The following IP6K2 variants were observed in gnomAD, a reference collection of about 807,000 sequenced individuals.
IP6K2 encodes inositol hexakisphosphate kinase 2.
IP6K2 carries 9 observed loss-of-function variants against 43.3 expected under a neutral mutation model. The ratio of observed to expected loss-of-function variants is 0.21; its 90% CI spans 0.13 to 0.36. IP6K2 has a LOEUF of 0.36. Ranked by LOEUF, IP6K2 falls within the 10% of genes least tolerant of loss-of-function variation. The pLI, the probability that IP6K2 is intolerant of heterozygous loss-of-function variation, is 1.00. For synonymous variants in IP6K2, 209 were observed against 202.4 expected (o/e 1.03, Z -0.28); for missense variants, 332 against 538.4 (o/e 0.62, Z 3.79).
chr3:48,688,177 G>A lies in IP6K2; in HGVS notation c.*96C>T. The A allele has an allele frequency of 7.0e-7, 1 of 1,418,530 alleles. No homozygotes were observed. The highest frequency in any genetic ancestry group is 1.3e-5 in the South Asian group (1 of 77,752). 87.9% of individuals were successfully genotyped at this position (1,418,530 alleles called of 1,614,324 possible). On this transcript the variant is annotated 3_prime_UTR_variant, in exon 6 of 6. Coordinates refer to ENST00000328631, the MANE Select transcript of IP6K2 (RefSeq NM_016291.4). The surrounding 1 kb of genome is among the most constrained non-coding windows in gnomAD (Gnocchi z 5.1). ...CACTGCACATCAGCTCCAGGCTGCAGGAGCCACCACCTGGCCATACTGGCT... is the reference window on the plus strand; with the variant it reads ...CACTGCACATCAGCTCCAGGCTGCAAGAGCCACCACCTGGCCATACTGGCT...
intron 1 of IP6K2, among the ~76,000 whole-genome samples, chr3:48,705,129 G>A (rs529914779): frequency 4.2e-4 from 64 of 151,888 alleles, no homozygotes; most frequent in African/African-American, 1.4e-3. Flanking sequence ...TTTTTTAGTA[G>A]AGATGCGGTT....
At chr3:48,700,783 G>A (rs568722361) in intron 1 of IP6K2, among the ~76,000 whole-genome samples, 1 of 152,196 alleles carries the variant, frequency 6.6e-6, no homozygotes, top group Non-Finnish European at 1.5e-5. Flanking sequence ...TACTTACTCT[G>A]GCTTAAGAAA....
chr3:48,706,872 G>C (rs1475052315), intron 1 of IP6K2, among the ~76,000 whole-genome samples: 2 of 152,020 alleles, frequency 1.3e-5, no homozygotes, highest in African/African-American at 4.8e-5. Flanking sequence ...AATGTAGGGA[G>C]GTAAGTACTA....
At position 48,695,716 on chromosome 3, in the gene IP6K2, T is replaced by C. The variant is rs981458737; in HGVS notation, c.-130-295A>G. 3 of 301,404 alleles carry C rather than the reference T, an allele frequency of 1.0e-5. No homozygotes were observed. Among genetic ancestry groups the C allele is most frequent in the Non-Finnish European group, 1.8e-5 (3 of 164,160 alleles). The allele number at this position is 301,404 out of a possible 1,614,324, so 18.7% of individuals were successfully genotyped here. On this transcript the variant is annotated intron_variant, in intron 1 of 5. Coordinates refer to ENST00000328631, the MANE Select transcript of IP6K2 (RefSeq NM_016291.4). The surrounding 1 kb of genome is among the most constrained non-coding windows in gnomAD (Gnocchi z 4.6). ...ACTGCCGCAGGCAAAACTGATGCCA[T>C]GGTGAGGTGAAATCACAATTTCAAG...
At chr3:48,691,110 T>C (rs2077745652) in intron 4 of IP6K2, among the ~76,000 whole-genome samples, 197 bp downstream of exon 4, 1 of 152,186 alleles carries the variant, frequency 6.6e-6, no homozygotes. Flanking sequence ...CCTCATCATC[T>C]GCACTCCTAG....
chr3:48,688,467 A>C lies in IP6K2; in HGVS notation c.1087T>G (p.Ser363Ala). The C allele has an allele frequency of 6.2e-7, 1 of 1,614,118 alleles. No individual in the cohort carries two copies. The highest frequency in any genetic ancestry group is 8.5e-7 in the Non-Finnish European group (1 of 1,180,012). ...GGTTTGTAGGCATAGGCACCAGCAG[A>C]CTCATCAGCTGATTCCTCTGACAGG... Reference protein sequence around the residue: ...EDLSEESADESAGAYAYKPIG... With the variant: ...EDLSEESADEAAGAYAYKPIG... Residue 363 changes from serine (S) to alanine (A), a missense_variant, in exon 6 of 6, where the codon TCT (serine) becomes GCT (alanine). Transcript: ENST00000328631. The surrounding 1 kb of genome is among the most constrained non-coding windows in gnomAD (Gnocchi z 5.1).
rs147001781 is a variant in IP6K2 at position 48,713,007 on chromosome 3, C to T, written c.-131+4150G>A. Among the ~76,000 whole-genome samples the T allele has an allele frequency of 8.6e-5, 13 of 152,046 alleles. 1 individual carries two copies. The highest frequency in any genetic ancestry group is 5.8e-4 in the East Asian group (3 of 5,156). On this transcript the variant is annotated intron_variant, in intron 1 of 5. Transcript: ENST00000328631. ...CAACCTGGGCAACAGAGTGAGACTC[C>T]GTCTCCAAAAACAACAATAATAATA...
rs2078111033 is a variant in IP6K2 at position 48,694,613 on chromosome 3, T to A, written c.202+477A>T. Reference sequence around the variant, plus strand: ...ATATAGCAATTTTGGGGACATTCTGTAACAGCAAAGGGCTTGGGCTAATCA... The same window carrying A: ...ATATAGCAATTTTGGGGACATTCTGAAACAGCAAAGGGCTTGGGCTAATCA... On this transcript the variant is annotated intron_variant, in intron 2 of 5. Coordinates refer to ENST00000328631, the MANE Select transcript of IP6K2 (RefSeq NM_016291.4). 2.0e-6 allele frequency: 3 copies of A among 1,521,082 alleles called. No individual in the cohort carries two copies. In the Admixed American group the frequency reaches 7.5e-5, roughly 38 times the overall value. 94.2% of individuals were successfully genotyped at this position (1,521,082 alleles called of 1,614,324 possible). A position where few individuals can be genotyped will look rare whatever the true frequency, so the allele number is the denominator to read the frequency against.
intron 3 of IP6K2, 55 bp from the exon 4 acceptor site, chr3:48,691,537 C>A: frequency 7.3e-7 from 1 of 1,368,958 alleles, no homozygotes; most frequent in South Asian, 1.3e-5. Flanking sequence ...TTCAGAAGGC[C>A]GGGCATGGTG....
At chr3:48,696,060 AT>A (rs1393130177) in intron 1 of IP6K2, among the ~76,000 whole-genome samples, 1 of 151,336 alleles carries the variant, frequency 6.6e-6, no homozygotes, top group Non-Finnish European at 1.5e-5. Context: ...TAATTTTTGT[AT>A]TTTTAGTAGA....
Position 48,695,470 on chromosome 3 carries a change from G to A in IP6K2, c.-130-49C>T. On this transcript the variant is annotated intron_variant, in intron 1 of 5. Transcript: ENST00000328631. This position sits in a 1 kb window ranked among gnomAD's most constrained non-coding sequence, Gnocchi z 4.6. ...ATGGGGGTTCGAAGTAGCGTGGGAAGTGCCTTAGAGCTGCTCACCCTGCTC... is the reference window on the plus strand; with the variant it reads ...ATGGGGGTTCGAAGTAGCGTGGGAAATGCCTTAGAGCTGCTCACCCTGCTC... 7.2e-7 allele frequency: 1 copy of A among 1,395,012 alleles called. No homozygotes were observed. Among genetic ancestry groups the A allele is most frequent in the Non-Finnish European group, 9.3e-7 (1 of 1,072,402 alleles). The allele number at this position is 1,395,012 out of a possible 1,614,324, so 86.4% of individuals were successfully genotyped here.
chr3:48,692,937 C>A lies in IP6K2; in HGVS notation c.428+17G>T. 6.3e-7 allele frequency: 1 copy of A among 1,580,312 alleles called. No homozygotes were observed. The highest frequency in any genetic ancestry group is 8.7e-7 in the Non-Finnish European group (1 of 1,152,036). On this transcript the variant is annotated intron_variant, in intron 3 of 5. Transcript: ENST00000328631. ...CCCCTCCCACATAGCCCAGAGTTGC[C>A]CTCTGTCTACACTCACCTCTTCATT...
intron 4 of IP6K2, among the ~76,000 whole-genome samples, chr3:48,690,803 AGAAAAAAAAGAG>A (rs1244434933): frequency 1.8e-4 from 27 of 148,564 alleles, no homozygotes; most frequent in African/African-American, 6.7e-4. Flanking sequence ...AAAAAAAAAA[AGAAAAAAAAGAG>A]AGAGAGAGGA....
intron 1 of IP6K2, among the ~76,000 whole-genome samples, chr3:48,713,858 T>A (rs575952367): frequency 3.3e-5 from 5 of 151,746 alleles, no homozygotes; most frequent in Admixed American, 3.3e-4. Flanking sequence ...GGCTCACGCC[T>A]GTAATCCCAA....
intron 1 of IP6K2, among the ~76,000 whole-genome samples, chr3:48,702,450 T>C (rs11928552): frequency 0.65 from 93,314 of 144,188 alleles, 30,340 homozygotes; most frequent in East Asian, 0.96. Flanking sequence ...TCACCCCCCC[T>C]TTTTTTTTTT....
At chr3:48,700,210 ATCT>A in intron 1 of IP6K2, among the ~76,000 whole-genome samples, 1 of 152,054 alleles carries the variant, frequency 6.6e-6, no homozygotes, top group African/African-American at 2.4e-5. Context: ...CACAGCCCCT[ATCT>A]CTGCAAGGAA....
intron 4 of IP6K2, 73 bp from the exon 5 acceptor site, chr3:48,689,786 G>T: frequency 1.5e-6 from 2 of 1,333,354 alleles, no homozygotes; most frequent in Non-Finnish European, 2.1e-6. Flanking sequence ...AAGGTACAGT[G>T]CCTTGATGCA....
Position 48,704,980 on chromosome 3 carries a change from C to T in IP6K2, c.-130-9559G>A, listed in dbSNP as rs189979780. Among the ~76,000 whole-genome samples the T allele has an allele frequency of 2.7e-4, 40 of 150,830 alleles. No homozygotes were observed. The East Asian group carries it at 7.1e-3, about 27-fold the overall frequency. ...TTTTTGAGACGGAGTCTCACTCTGT[C>T]GCCCAGGCTGGAGTGCAGTGGCGCA... On this transcript the variant is annotated intron_variant, in intron 1 of 5. Transcript: ENST00000328631.
chr3:48,694,475 T>C (rs551385811), intron 2 of IP6K2: 3 of 1,548,270 alleles, frequency 1.9e-6, no homozygotes, highest in Admixed American at 2.0e-5. Context: ...TACAAAAGAC[T>C]CCCCCACTCC....
Sources: allele counts gnomAD v4.1 joint callset (sites outside exome capture counted in the v4.1 genomes callset), GRCh38; gene constraint gnomAD v4.1.1; non-coding constraint Gnocchi (gnomAD v3.1); transcripts MANE v1.5; gene names NCBI Gene and HGNC (gene_info 2026-07-23, HGNC 2026-07-21).